Variants in ADGRL2 observed in about 807,000 individuals in gnomAD.
ADGRL2 encodes calcium-independent alpha-latrotoxin receptor 2.
Under a neutral mutation model 157.4 loss-of-function variants are expected in ADGRL2, and 44 were observed. That is an observed-to-expected ratio of 0.28 (90% confidence interval 0.22 to 0.36). The LOEUF is 0.36. ADGRL2 is among the 10% of genes least tolerant of loss of function. The pLI, the probability that ADGRL2 is intolerant of heterozygous loss-of-function variation, is 1.00. For synonymous variants in ADGRL2, 585 were observed against 624.7 expected (o/e 0.94, Z 0.95); for missense variants, 1,510 against 1,768.9 (o/e 0.85, Z 2.63).
intron 2 of ADGRL2, among the ~76,000 whole-genome samples, chr1:81,845,405 T>C (rs1023611898): frequency 1.3e-5 from 2 of 152,038 alleles, no homozygotes; most frequent in Admixed American, 1.3e-4. Flanking sequence ...ATCTTTCAAA[T>C]TGGCTTTTTT....
intron 1 of ADGRL2, among the ~76,000 whole-genome samples, chr1:81,354,491 C>A (rs55917245): frequency 6.6e-6 from 1 of 152,098 alleles, no homozygotes; most frequent in African/African-American, 2.4e-5. Context: ...AAAGAAAGAA[C>A]AAGAGTTGAA....
rs2094773190 is a variant in ADGRL2, at chr1:81,913,193, C to T, written c.287+5963C>T. Among the ~76,000 whole-genome samples the T allele has an allele frequency of 5.9e-5, 9 of 152,264 alleles. No individual in the cohort carries two copies. In the South Asian group the frequency reaches 1.9e-3, roughly 32 times the overall value. ...TTGAATTTCCCTTTTCTAAACTTAT[C>T]AATATCCTAACCTATTATCTCTAAG... is the stretch of plus-strand genomic sequence containing the variant. On this transcript the variant is annotated intron_variant, in intron 3 of 23. Coordinates refer to ENST00000686636, the MANE Select transcript of ADGRL2 (RefSeq NM_001366006.2).
At chr1:81,518,954 T>C (rs188189306) in intron 2 of ADGRL2, among the ~76,000 whole-genome samples, 427 of 152,372 alleles carry the variant, frequency 2.8e-3, no homozygotes, top group African/African-American at 9.7e-3. Flanking sequence ...CCATAGATAC[T>C]GATAATCATA....
At chr1:81,720,572 G>A (rs2084275689) in intron 1 of ADGRL2, among the ~76,000 whole-genome samples, 1 of 151,994 alleles carries the variant, frequency 6.6e-6, no homozygotes, top group Non-Finnish European at 1.5e-5. Flanking sequence ...TAGTTCACAG[G>A]AGGTACAAAA....
intron 2 of ADGRL2, among the ~76,000 whole-genome samples, chr1:81,558,786 T>C (rs2080374137): frequency 6.6e-6 from 1 of 152,216 alleles, no homozygotes; most frequent in Non-Finnish European, 1.5e-5. Flanking sequence ...TTCCCCTTTC[T>C]AAGGCACTGA....
At chr1:81,365,792 T>C (rs2100946490) in intron 1 of ADGRL2, among the ~76,000 whole-genome samples, 1 of 152,304 alleles carries the variant, frequency 6.6e-6, no homozygotes, top group South Asian at 2.1e-4. Context: ...CACTGGGTCC[T>C]TCATCCTTGA....
chr1:81,791,794 T>C (rs538592557), intron 2 of ADGRL2, among the ~76,000 whole-genome samples: 7 of 152,328 alleles, frequency 4.6e-5, no homozygotes, highest in Admixed American at 3.9e-4. Flanking sequence ...GTTGGAAAAT[T>C]ATTCCTTGTT....
chr1:81,660,768 A>G (rs2082633677), intron 3 of ADGRL2, among the ~76,000 whole-genome samples: 1 of 152,224 alleles, frequency 6.6e-6, no homozygotes, highest in Non-Finnish European at 1.5e-5. Flanking sequence ...TATTTTCTCT[A>G]AATTTGTGAT....
intron 2 of ADGRL2, among the ~76,000 whole-genome samples, chr1:81,511,400 GCACACA>G (rs149522214): frequency 4.7e-5 from 6 of 127,236 alleles, no homozygotes; most frequent in African/African-American, 1.5e-4. Flanking sequence ...AAAAAAGCGC[GCACACA>G]CACACACACA....
intron 2 of ADGRL2, among the ~76,000 whole-genome samples, chr1:81,571,021 TA>T (rs1203717499): frequency 1.3e-5 from 2 of 151,952 alleles, no homozygotes; most frequent in Non-Finnish European, 2.9e-5. Flanking sequence ...AAACTTTATT[TA>T]AAAAAATATA....
At chr1:81,352,698 T>G (rs759446064) in intron 1 of ADGRL2, among the ~76,000 whole-genome samples, 3 of 152,182 alleles carry the variant, frequency 2.0e-5, no homozygotes, top group Admixed American at 6.5e-5. Context: ...TTGGTAAATT[T>G]TATGTACCTG....
At chr1:81,562,423 A>G (rs1408263341) in intron 2 of ADGRL2, among the ~76,000 whole-genome samples, 2 of 152,198 alleles carry the variant, frequency 1.3e-5, no homozygotes, top group African/African-American at 2.4e-5. Context: ...TGTTTAATGT[A>G]CTAAATTACT....
chr1:81,953,157 A>T, intron 10 of ADGRL2, 132 bp downstream of exon 10: 1 of 671,454 alleles, frequency 1.5e-6, no homozygotes, highest in East Asian at 2.6e-5. Context: ...AGCTGTACAA[A>T]TGTTGGCTTT....
At chr1:81,969,489 G>A in intron 15 of ADGRL2, 102 bp downstream of exon 15, 1 of 707,718 alleles carries the variant, frequency 1.4e-6, no homozygotes, top group Non-Finnish European at 2.4e-6. Flanking sequence ...CTTGTAACTT[G>A]ATAGAATTGA....
chr1:81,399,402 GT>G (rs1449048406), intron 1 of ADGRL2, among the ~76,000 whole-genome samples: 2 of 152,106 alleles, frequency 1.3e-5, no homozygotes, highest in African/African-American at 4.8e-5. Flanking sequence ...CCTTCTAGAA[GT>G]CCATAATACT....
intron 2 of ADGRL2, among the ~76,000 whole-genome samples, chr1:81,549,464 G>C (rs1391573597): frequency 6.6e-6 from 1 of 152,132 alleles, no homozygotes; most frequent in African/African-American, 2.4e-5. Flanking sequence ...CTTATCACCT[G>C]CAAATGGTCT....
intron 2 of ADGRL2, among the ~76,000 whole-genome samples, chr1:81,781,691 T>C (rs2086820539): frequency 6.6e-6 from 1 of 152,332 alleles, no homozygotes; most frequent in African/African-American, 2.4e-5. Flanking sequence ...TGGATCCAGG[T>C]GACCATGGGT....
At position 81,328,863 on chromosome 1, in the gene ADGRL2, G is replaced by A. The variant is rs180839648; in HGVS notation, c.-302+22354G>A. 5.3e-5 allele frequency among the ~76,000 whole-genome samples: 8 copies of A among 151,528 alleles called. No individual in the cohort carries two copies. In the South Asian group the frequency reaches 6.2e-4, roughly 12 times the overall value. On this transcript the variant is annotated intron_variant, in intron 1 of 24. Transcript: ENST00000370721. The stretch of plus-strand genomic sequence containing the variant: ...TCAAAACATCAAAGGGCACAGAAGC[G>A]CTTAATTATCATTTTATAGTCTGCC...
At chr1:81,951,372 C>A (rs1034574152) in intron 8 of ADGRL2, among the ~76,000 whole-genome samples, 2 of 152,050 alleles carry the variant, frequency 1.3e-5, no homozygotes, top group African/African-American at 4.8e-5. Flanking sequence ...AGTTCTGTTT[C>A]TTTTGATGTT....
Sources: gnomAD v4.1 joint callset for allele counts (sites outside exome capture counted in the v4.1 genomes callset) on GRCh38, gnomAD v4.1.1 for gene constraint, MANE v1.5 for transcripts, NCBI Gene and HGNC (gene_info 2026-07-23, HGNC 2026-07-21) for gene names.